Variants in WDR41 observed in about 807,000 individuals in gnomAD.
WDR41 encodes the protein WD repeat-containing protein 41.
In WDR41, 63 loss-of-function variants were observed where a neutral mutation model predicts 69.3. That is an observed-to-expected ratio of 0.91 (90% confidence interval 0.74 to 1.12). The LOEUF is 1.12. WDR41 is among the 50% of genes most tolerant of loss of function. The probability of loss-of-function intolerance (pLI) is 0.00; values close to 1 mark genes in which losing one functional copy is unlikely to be tolerated. For missense variants in WDR41, 543 were observed against 534.5 expected (o/e 1.02, Z -0.16); for synonymous variants, 185 against 192.1 (o/e 0.96, Z 0.31).
chr5:77,433,125 A>G lies in WDR41; in HGVS notation c.*10T>C, dbSNP rs757043469. On this transcript the variant is annotated 3_prime_UTR_variant, in exon 13 of 13. Coordinates refer to ENST00000296679, the MANE Select transcript of WDR41 (RefSeq NM_018268.4). ...CAAGGTTCATGCATGTGTATTTTTAATTCCTTAAACTAGACAGCAAGGTAT... is the reference window on the plus strand; with the variant it reads ...CAAGGTTCATGCATGTGTATTTTTAGTTCCTTAAACTAGACAGCAAGGTAT... The G allele has an allele frequency of 5.9e-5, 95 of 1,605,442 alleles. No homozygotes were observed. Among genetic ancestry groups the G allele is most frequent in the Non-Finnish European group, 7.5e-5 (88 of 1,176,566 alleles).
intron 1 of WDR41, among the ~76,000 whole-genome samples, chr5:77,511,376 C>G (rs1802200512): frequency 6.6e-6 from 1 of 152,172 alleles, no homozygotes; most frequent in African/African-American, 2.4e-5. Flanking sequence ...AAGGAGAATG[C>G]AGTAGAATTT....
intron 1 of WDR41, among the ~76,000 whole-genome samples, chr5:77,608,148 T>G (rs189442951): frequency 8.7e-4 from 132 of 152,346 alleles, no homozygotes; most frequent in African/African-American, 3.0e-3. Flanking sequence ...CTCCAGGTAC[T>G]TAATGTAAGT....
At chr5:77,466,548 T>C (rs1800316365) in intron 2 of WDR41, among the ~76,000 whole-genome samples, 1 of 151,956 alleles carries the variant, frequency 6.6e-6, no homozygotes, top group African/African-American at 2.4e-5. Flanking sequence ...AATTTTTAAC[T>C]TCTTATGATT....
chr5:77,550,076 A>T, intron 1 of WDR41, among the ~76,000 whole-genome samples: 1 of 152,184 alleles, frequency 6.6e-6, no homozygotes, highest in East Asian at 1.9e-4. Context: ...ACATTTCACC[A>T]TATATAAAAA....
intron 1 of WDR41, among the ~76,000 whole-genome samples, chr5:77,513,191 T>C (rs1238506282): frequency 1.3e-5 from 2 of 152,220 alleles, no homozygotes; most frequent in Non-Finnish European, 2.9e-5. Context: ...GTTTCTTGTG[T>C]TAACTTCTGT....
At chr5:77,457,681 C>T (rs1302444076) in intron 5 of WDR41, among the ~76,000 whole-genome samples, 2 of 146,872 alleles carry the variant, frequency 1.4e-5, no homozygotes, top group African/African-American at 5.2e-5. Flanking sequence ...CTAACATCAA[C>T]CCTTATAAAA....
intron 1 of WDR41, among the ~76,000 whole-genome samples, chr5:77,510,150 A>G (rs1225905388): frequency 6.6e-6 from 1 of 152,244 alleles, no homozygotes; most frequent in Non-Finnish European, 1.5e-5. Flanking sequence ...ACTGTTCCAC[A>G]TGGCTGGGGA....
chr5:77,566,793 G>A (rs551066162), intron 1 of WDR41, among the ~76,000 whole-genome samples: 13 of 152,248 alleles, frequency 8.5e-5, no homozygotes, highest in African/African-American at 1.4e-4. Flanking sequence ...GCCTCAGGGT[G>A]CGTGAATTGA....
chr5:77,503,190 CA>C (rs144057313), intron 1 of WDR41, among the ~76,000 whole-genome samples: 26,289 of 74,226 alleles, frequency 0.35, 2,367 homozygotes, highest in Middle Eastern at 0.4. Context: ...AAATGGAAAG[CA>C]AAAAAAAAAA....
chr5:77,595,151 T>G (rs1177001623), intron 1 of WDR41, among the ~76,000 whole-genome samples: 1 of 71,622 alleles, frequency 1.4e-5, no homozygotes, highest in Admixed American at 1.3e-4. Context: ...ATTTAAGGTC[T>G]TCTTCGTGCT....
intron 1 of WDR41, among the ~76,000 whole-genome samples, chr5:77,581,905 A>C (rs376649697): frequency 3.3e-5 from 5 of 152,214 alleles, no homozygotes; most frequent in African/African-American, 1.2e-4. Context: ...AAGGTCTCAA[A>C]TCAATAACCT....
chr5:77,518,188 T>G (rs1332338423), intron 1 of WDR41, among the ~76,000 whole-genome samples: 1 of 151,622 alleles, frequency 6.6e-6, no homozygotes, highest in Admixed American at 6.6e-5. Flanking sequence ...GGATTTTTTT[T>G]GTTGTTGTTT....
chr5:77,609,047 G>A (rs1055178420), intron 1 of WDR41, among the ~76,000 whole-genome samples: 2 of 152,156 alleles, frequency 1.3e-5, no homozygotes, highest in Admixed American at 1.3e-4. Context: ...GAGTCTCGCT[G>A]ATTGCTAGCA....
At chr5:77,581,523 G>T (rs1452214304) in intron 1 of WDR41, among the ~76,000 whole-genome samples, 1 of 152,196 alleles carries the variant, frequency 6.6e-6, no homozygotes, top group Non-Finnish European at 1.5e-5. Flanking sequence ...GACTTCTAGA[G>T]AACACTTCAC....
chr5:77,598,271 T>C (rs112638589), intron 1 of WDR41, among the ~76,000 whole-genome samples: 1,949 of 152,298 alleles, frequency 0.013, 34 homozygotes, highest in African/African-American at 0.045. Context: ...TGGATAGAGC[T>C]TCAGACCTAG....
chr5:77,440,101 T>C (rs1799099698), intron 9 of WDR41, among the ~76,000 whole-genome samples: 1 of 152,152 alleles, frequency 6.6e-6, no homozygotes, highest in Admixed American at 6.5e-5. Flanking sequence ...TTAATAAAAA[T>C]AACGTGCATG....
At chr5:77,565,436 G>A (rs1412552052) in intron 1 of WDR41, among the ~76,000 whole-genome samples, 7 of 151,750 alleles carry the variant, frequency 4.6e-5, no homozygotes, top group African/African-American at 1.5e-4. Context: ...TCTTATTCTC[G>A]TGTCAATTCC....
chr5:77,486,566 C>G (rs1269483358), intron 2 of WDR41, among the ~76,000 whole-genome samples: 1 of 152,220 alleles, frequency 6.6e-6, no homozygotes. Flanking sequence ...ACGAGGCAAG[C>G]TGAGACTTGA....
In WDR41 at chr5:77,433,036, A is replaced by G. The variant is rs974038069; in HGVS notation, c.*99T>C. On this transcript the variant is annotated 3_prime_UTR_variant, in exon 13 of 13. Transcript: ENST00000296679. ...GTAGAATTTTATGGACTGACAAAAA[A>G]AATTACCAATTTAAGTGATCAATAT... 7.4e-6 allele frequency: 10 copies of G among 1,349,778 alleles called. 1 individual carries two copies. In the Admixed American group the frequency reaches 1.6e-4, roughly 22 times the overall value. The allele number at this position is 1,349,778 out of a possible 1,614,324, so 83.6% of individuals were successfully genotyped here. A position where few individuals can be genotyped will look rare whatever the true frequency, so the allele number is the denominator to read the frequency against.
Sources: gnomAD v4.1 joint callset for allele counts (sites outside exome capture counted in the v4.1 genomes callset) on GRCh38, gnomAD v4.1.1 for gene constraint, MANE v1.5 for transcripts, NCBI Gene and HGNC (gene_info 2026-07-23, HGNC 2026-07-21) for gene names.